The following FBN1 variants were observed in gnomAD, a reference collection of about 807,000 sequenced individuals.
FBN1 encodes fibrillin-1.
A neutral mutation model predicts 365.1 loss-of-function variants in FBN1; 29 were observed. The ratio of observed to expected loss-of-function variants is 0.08; its 90% confidence interval spans 0.06 to 0.11. The LOEUF (loss-of-function observed/expected upper bound fraction) is 0.11. Among genes scored for constraint, FBN1 ranks in the 10% least tolerant of loss-of-function variants. The pLI is 1.00. For missense variants in FBN1, 2,476 were observed against 3,703.2 expected, an observed-to-expected ratio of 0.67 and a Z score of 8.60; for synonymous variants, 1,210 against 1,270.5, an observed-to-expected ratio of 0.95 and a Z score of 1.01.
At position 48,468,506 on chromosome 15, in the gene FBN1, C is replaced by T. The variant is rs370494288; in HGVS notation, c.4488G>A (p.Thr1496=). ...TGTTGACACAGTTCCCACTGATGCA[C>T]GTGGTTGGATCCAGGCATTCATTCA... The part of the protein sequence containing the change: ...TDVNECLDPT[T]CISGNCVNTP... The change falls in exon 37 of 66, where the codon ACG becomes ACA. Residue 1496 remains threonine, a synonymous_variant. Coordinates refer to ENST00000316623, the MANE Select transcript of FBN1 (RefSeq NM_000138.5). The T allele has an allele frequency of 1.8e-5, 29 of 1,613,878 alleles. No individual in the cohort carries two copies. The Middle Eastern group carries it at 8.2e-4, about 46-fold the overall frequency.
intron 2 of FBN1, among the ~76,000 whole-genome samples, chr15:48,633,976 A>G (rs1260140444): frequency 6.6e-6 from 1 of 152,202 alleles, no homozygotes; most frequent in Non-Finnish European, 1.5e-5. Flanking sequence ...CATTTCTAAA[A>G]TCTGTCCTAC....
At chr15:48,414,591 G>A (rs914373356) in intron 64 of FBN1, among the ~76,000 whole-genome samples, 2 of 152,102 alleles carry the variant, frequency 1.3e-5, no homozygotes, top group African/African-American at 4.8e-5. Flanking sequence ...TAAATCACTG[G>A]GTAAAATAAA....
Position 48,425,760 on chromosome 15 carries a change from T to C in FBN1, c.7309A>G (p.Ile2437Val), listed in dbSNP as rs755405993. The C allele has an allele frequency of 1.2e-6, 2 of 1,613,690 alleles. No individual in the cohort carries two copies. Among genetic ancestry groups the C allele is most frequent in the Non-Finnish European group, 1.7e-6 (2 of 1,179,616 alleles). Reference sequence around the variant, plus strand: ...TTACCTACACAGGAAGTCCCAGTTATATCTGGAGTGTACCCAGTTTTACAA... The same window carrying C: ...TTACCTACACAGGAAGTCCCAGTTACATCTGGAGTGTACCCAGTTTTACAA... ...CICKTGYTPD[I>V]TGTSCVDLNE... Residue 2437 changes from isoleucine to valine, a missense_variant, in exon 59 of 66, where the codon ATA becomes GTA. Ile to Val is a conservative substitution (Grantham distance 29). Transcript: ENST00000316623.
At chr15:48,567,266 G>T (rs901637859) in intron 6 of FBN1, among the ~76,000 whole-genome samples, 1 of 152,078 alleles carries the variant, frequency 6.6e-6, no homozygotes, top group Non-Finnish European at 1.5e-5. Flanking sequence ...CATCAGTGGG[G>T]CTTTTATTTG....
intron 4 of FBN1, among the ~76,000 whole-genome samples, chr15:48,606,070 A>C (rs2044605827): frequency 4.6e-5 from 7 of 152,146 alleles, no homozygotes; most frequent in Admixed American, 4.6e-4. Context: ...AATAAAGACA[A>C]CACCAAAAGC....
At chr15:48,611,930 C>G (rs558567271) in intron 3 of FBN1, among the ~76,000 whole-genome samples, 3 of 152,274 alleles carry the variant, frequency 2.0e-5, no homozygotes, top group African/African-American at 7.2e-5. Context: ...TTCAAACATC[C>G]AAAGAGTTTA....
chr15:48,580,514 T>C (rs1201115144), intron 6 of FBN1, among the ~76,000 whole-genome samples: 1 of 152,182 alleles, frequency 6.6e-6, no homozygotes, highest in Non-Finnish European at 1.5e-5. Flanking sequence ...GGCAAGATAA[T>C]GCTCAGTCTA....
chr15:48,534,375 T>G (rs931923281), intron 7 of FBN1, among the ~76,000 whole-genome samples, 170 bp from the exon 8 acceptor site: 12 of 152,256 alleles, frequency 7.9e-5, no homozygotes, highest in Non-Finnish European at 1.8e-4. Flanking sequence ...CACAATTGCA[T>G]TATGTAAAAT....
rs541181216 is a variant in FBN1, at chr15:48,446,755, G to A, written c.5739C>T (p.Asn1913=). ...GTCRNTIGSF[N]CRCNHGFILS... is the part of the protein sequence containing the mutation. Reference sequence around the variant, plus strand: ...GGATGAAACCATGATTGCAGCGGCAGTTGAAGGAACCAATTGTGTTCCGGC... The same window carrying A: ...GGATGAAACCATGATTGCAGCGGCAATTGAAGGAACCAATTGTGTTCCGGC... Residue 1913 remains asparagine, a synonymous_variant, in exon 47 of 66, where the codon AAC becomes AAT. Coordinates refer to ENST00000316623, the MANE Select transcript of FBN1 (RefSeq NM_000138.5). The A allele has an allele frequency of 2.5e-6, 4 of 1,613,472 alleles. No individual in the cohort carries two copies. Among genetic ancestry groups the A allele is most frequent in the Middle Eastern group, 1.7e-4 (1 of 6,058 alleles).
chr15:48,611,231 T>C (rs559945237), intron 3 of FBN1, among the ~76,000 whole-genome samples: 3 of 152,334 alleles, frequency 2.0e-5, no homozygotes, highest in Non-Finnish European at 4.4e-5. Flanking sequence ...ATTATTACTC[T>C]TGGGAGCCAA....
intron 9 of FBN1, 131 bp from the exon 10 acceptor site, chr15:48,520,948 G>A: frequency 8.0e-7 from 1 of 1,245,530 alleles, no homozygotes; most frequent in Non-Finnish European, 1.1e-6. Context: ...CTGCCCCCCG[G>A]AAGGGAAGCT....
At chr15:48,412,477 T>G in intron 65 of FBN1, 92 bp downstream of exon 65, 2 of 1,408,194 alleles carry the variant, frequency 1.4e-6, no homozygotes, top group Non-Finnish European at 2.0e-6. Flanking sequence ...GGGAGCTTTT[T>G]CACACTTTGG....
At chr15:48,538,548 A>G (rs1414912874) in intron 6 of FBN1, among the ~76,000 whole-genome samples, 2 of 152,154 alleles carry the variant, frequency 1.3e-5, no homozygotes, top group South Asian at 2.1e-4. Context: ...AGAATTTCCA[A>G]TCAGAGCAGT....
intron 38 of FBN1, among the ~76,000 whole-genome samples, chr15:48,466,669 C>T (rs1483692540): frequency 1.3e-5 from 2 of 152,068 alleles, no homozygotes; most frequent in Admixed American, 6.6e-5. Context: ...TGTATATATT[C>T]CAGTTCTAAC....
intron 54 of FBN1, 136 bp from the exon 55 acceptor site, chr15:48,433,124 C>T: frequency 2.3e-6 from 2 of 878,172 alleles, no homozygotes; most frequent in Non-Finnish European, 3.6e-6. Flanking sequence ...ATCAAGTGGT[C>T]TCCCATTTCC....
chr15:48,480,126 T>C (rs2043455364), intron 32 of FBN1, among the ~76,000 whole-genome samples: 1 of 152,184 alleles, frequency 6.6e-6, no homozygotes, highest in Non-Finnish European at 1.5e-5. Flanking sequence ...CCCAGTTAGC[T>C]AGAATTTGGA....
intron 6 of FBN1, among the ~76,000 whole-genome samples, chr15:48,590,349 ACTAT>A (rs1356911377): frequency 1.3e-5 from 2 of 152,178 alleles, no homozygotes; most frequent in Admixed American, 6.5e-5. Context: ...TCCAAAATGG[ACTAT>A]CTGATTATTA....
At chr15:48,569,984 G>GA (rs577419799) in intron 6 of FBN1, among the ~76,000 whole-genome samples, 26 of 146,798 alleles carry the variant, frequency 1.8e-4, no homozygotes, top group South Asian at 4.3e-4. Context: ...ATGCTTTTTT[G>GA]AAAAAAAAAA....
chr15:48,554,963 G>GA (rs2044168618), intron 6 of FBN1, among the ~76,000 whole-genome samples: 1 of 152,116 alleles, frequency 6.6e-6, no homozygotes, highest in African/African-American at 2.4e-5. Flanking sequence ...ATTTTCAATA[G>GA]AAAAAACCTT....
Sources: allele counts gnomAD v4.1 joint callset (sites outside exome capture counted in the v4.1 genomes callset), GRCh38; gene constraint gnomAD v4.1.1; transcripts MANE v1.5; gene names NCBI Gene and HGNC (gene_info 2026-07-23, HGNC 2026-07-21).